Variants in SLC12A8 observed in about 807,000 individuals in gnomAD.
SLC12A8 encodes solute carrier family 12 member 8.
A neutral mutation model predicts 75.6 loss-of-function variants in SLC12A8; 69 were observed. The ratio of observed to expected loss-of-function variants is 0.91; its 90% confidence interval spans 0.75 to 1.11. SLC12A8 has a LOEUF of 1.11. Among genes scored for constraint, SLC12A8 ranks in the 50% most tolerant of loss-of-function variants. The pLI, the probability that SLC12A8 is intolerant of heterozygous loss-of-function variation, is 0.00. For synonymous variants in SLC12A8, 365 were observed against 372.8 expected (o/e 0.98, Z 0.24); for missense variants, 877 against 896.7 (o/e 0.98, Z 0.28).
At chr3:125,204,125 C>T (rs553947182) in intron 2 of SLC12A8, among the ~76,000 whole-genome samples, 5 of 152,266 alleles carry the variant, frequency 3.3e-5, no homozygotes, top group Non-Finnish European at 7.4e-5. Context: ...AACCCTTGTG[C>T]ACTGTTGGTG....
rs1295154571 is a variant in SLC12A8, at chr3:125,110,211, G to A, written c.1037C>T (p.Ala346Val). The A allele has an allele frequency of 1.2e-6, 2 of 1,613,672 alleles. No homozygotes were observed. The highest frequency in any genetic ancestry group is 1.1e-5 in the South Asian group (1 of 91,050). ...QCIAQEKVIP[A>V]LACLGQGKGP... ...CACCCCTTGTCCCAGACAGGCAAGTGCAGGGATCACTTTCTCCTGGGCAAT... is the reference window on the plus strand; with the variant it reads ...CACCCCTTGTCCCAGACAGGCAAGTACAGGGATCACTTTCTCCTGGGCAAT... The change falls in exon 9 of 14, where the codon GCA (alanine) becomes GTA (valine). Residue 346 changes from alanine (A) to valine (V), a missense_variant. Physicochemically the swap from Ala to Val is moderately conservative, Grantham distance 64. Coordinates refer to ENST00000469902, the MANE Select transcript of SLC12A8 (RefSeq NM_024628.6).
chr3:125,091,295 T>C (rs1459266034), intron 12 of SLC12A8, 144 bp downstream of exon 12: 1 of 617,940 alleles, frequency 1.6e-6, no homozygotes, highest in African/African-American at 1.8e-5. Flanking sequence ...TTGTCACAGT[T>C]CTCCTCCTAG....
At chr3:125,135,575 C>A in intron 6 of SLC12A8, 94 bp downstream of exon 6, 1 of 674,190 alleles carries the variant, frequency 1.5e-6, no homozygotes, top group Non-Finnish European at 2.4e-6. Flanking sequence ...ATATACATAC[C>A]AAGAGTACCT....
intron 5 of SLC12A8, among the ~76,000 whole-genome samples, chr3:125,146,880 C>T (rs1200853585): frequency 1.3e-5 from 2 of 152,344 alleles, no homozygotes; most frequent in East Asian, 3.9e-4. Context: ...CACAGGGAGG[C>T]CCTTCCTCCA....
At chr3:125,096,745 G>A (rs1938720872) in intron 10 of SLC12A8, among the ~76,000 whole-genome samples, 1 of 152,176 alleles carries the variant, frequency 6.6e-6, no homozygotes, top group Non-Finnish European at 1.5e-5. Flanking sequence ...TGATCTGAAT[G>A]GATGGCTCTA....
intron 10 of SLC12A8, among the ~76,000 whole-genome samples, chr3:125,105,152 T>C (rs1181252731): frequency 4.1e-5 from 5 of 121,656 alleles, no homozygotes; most frequent in African/African-American, 1.3e-4. Context: ...AAATGAACAA[T>C]AGGAAAGAGA....
At chr3:125,172,301 G>A (rs1205226393) in intron 5 of SLC12A8, among the ~76,000 whole-genome samples, 2 of 149,034 alleles carry the variant, frequency 1.3e-5, no homozygotes, top group Non-Finnish European at 3.0e-5. Context: ...CATCTTCTCT[G>A]TTCTCTCTCT....
intron 5 of SLC12A8, among the ~76,000 whole-genome samples, chr3:125,164,818 C>G (rs1237724234): frequency 6.6e-6 from 1 of 152,220 alleles, no homozygotes; most frequent in Admixed American, 6.5e-5. Context: ...AAATACAGAC[C>G]AATGGGCCCA....
intron 13 of SLC12A8, among the ~76,000 whole-genome samples, chr3:125,085,631 G>A (rs1938436495): frequency 6.6e-6 from 1 of 152,168 alleles, no homozygotes; most frequent in African/African-American, 2.4e-5. Context: ...AGGCTGGAGT[G>A]CAGTGGTTGA....
chr3:125,107,871 G>C lies in SLC12A8; in HGVS notation c.1315C>G (p.Pro439Ala). Residue 439 changes from proline (P) to alanine (A), a missense_variant, in exon 10 of 14, where the codon CCC becomes GCC. Coordinates refer to ENST00000469902, the MANE Select transcript of SLC12A8 (RefSeq NM_024628.6). ...GCAGGTCCCTCAGAGCCGTAACTGGGAGCTTTCTCTAAGAGCAGGTGCTCA... is the reference window on the plus strand; with the variant it reads ...GCAGGTCCCTCAGAGCCGTAACTGGCAGCTTTCTCTAAGAGCAGGTGCTCA... ...CSEHLLLEKA[P>A]SYGSEGPAQR... 6.2e-7 allele frequency: 1 copy of C among 1,614,208 alleles called. No homozygotes were observed. The highest frequency in any genetic ancestry group is 1.1e-5 in the South Asian group (1 of 91,068).
At chr3:125,101,468 G>A (rs777107923) in intron 10 of SLC12A8, among the ~76,000 whole-genome samples, 1 of 152,180 alleles carries the variant, frequency 6.6e-6, no homozygotes, top group Non-Finnish European at 1.5e-5. Flanking sequence ...AGTAAAATCT[G>A]GATTTTGACC....
intron 2 of SLC12A8, among the ~76,000 whole-genome samples, chr3:125,198,494 G>A (rs1935049122): frequency 6.6e-6 from 1 of 152,116 alleles, no homozygotes; most frequent in African/African-American, 2.4e-5. Flanking sequence ...TTAGCTGGGT[G>A]TGGTGGCGGA....
rs1419869629 is a variant in SLC12A8, at chr3:125,104,509, A to G, written c.1705+2972T>C. On this transcript the variant is annotated intron_variant, in intron 10 of 13. Transcript: ENST00000469902. ...AAAAATAGATGATGTTCAAATTAGAAAAAAAAAAAAAAAAAGACAAGGACA... is the reference window on the plus strand; with the variant it reads ...AAAAATAGATGATGTTCAAATTAGAGAAAAAAAAAAAAAAAGACAAGGACA... Among the ~76,000 whole-genome samples, 55 of 8,196 alleles carry G rather than the reference A, an allele frequency of 6.7e-3. No individual in the cohort carries two copies. In the East Asian group the frequency reaches 0.095, roughly 14 times the overall value. The allele number at this position is 8,196 out of a possible 152,430, so 5.4% of individuals were successfully genotyped here. A position where few individuals can be genotyped will look rare whatever the true frequency, so the allele number is the denominator to read the frequency against.
chr3:125,199,596 A>T (rs1935080693), intron 2 of SLC12A8, among the ~76,000 whole-genome samples: 1 of 151,398 alleles, frequency 6.6e-6, no homozygotes, highest in South Asian at 2.1e-4. Context: ...AAAAAAAAAA[A>T]AAGGCCAGGT....
At chr3:125,105,353 A>G (rs1304543620) in intron 10 of SLC12A8, among the ~76,000 whole-genome samples, 1 of 152,222 alleles carries the variant, frequency 6.6e-6, no homozygotes, top group Non-Finnish European at 1.5e-5. Context: ...ACAGCTTTGT[A>G]GCAGACCTAG....
chr3:125,158,756 A>T (rs1011182026), intron 5 of SLC12A8, among the ~76,000 whole-genome samples: 1 of 152,206 alleles, frequency 6.6e-6, no homozygotes, highest in African/African-American at 2.4e-5. Context: ...ACAGTTTCTG[A>T]CTGCTGTGAT....
chr3:125,085,837 A>G (rs1471897773), intron 13 of SLC12A8, among the ~76,000 whole-genome samples: 1 of 152,114 alleles, frequency 6.6e-6, no homozygotes, highest in Non-Finnish European at 1.5e-5. Flanking sequence ...CAGCCTCCCA[A>G]AGTGCTGGGA....
chr3:125,127,939 T>C (rs1456684588), intron 6 of SLC12A8, among the ~76,000 whole-genome samples: 1 of 151,950 alleles, frequency 6.6e-6, no homozygotes, highest in African/African-American at 2.4e-5. Flanking sequence ...TGCAGTGGTG[T>C]GATCTTGGCT....
chr3:125,088,228 A>G, intron 13 of SLC12A8, 82 bp downstream of exon 13: 2 of 1,428,034 alleles, frequency 1.4e-6, no homozygotes, highest in Non-Finnish European at 9.8e-7. Flanking sequence ...GCCCAAGCCC[A>G]GCCAGGAATG....
Sources: allele counts gnomAD v4.1 joint callset (sites outside exome capture counted in the v4.1 genomes callset), GRCh38; gene constraint gnomAD v4.1.1; transcripts MANE v1.5; gene names NCBI Gene and HGNC (gene_info 2026-07-23, HGNC 2026-07-21).